CAMSAP2: variants seen among roughly 807,000 people sequenced by gnomAD.
CAMSAP2 encodes the protein calmodulin regulated spectrin associated protein family member 2, also known as calmodulin-regulated spectrin-associated protein 2.
In CAMSAP2, 26 loss-of-function variants were observed where a neutral mutation model predicts 146.1. The ratio of observed to expected loss-of-function variants is 0.18; its 90% CI spans 0.13 to 0.25. The LOEUF is 0.25. Ranked by LOEUF, CAMSAP2 falls within the 10% of genes least tolerant of loss-of-function variation. CAMSAP2 has a pLI of 1.00. For synonymous variants in CAMSAP2, 499 were observed against 596.6 expected, an observed-to-expected ratio of 0.84 and a Z score of 2.38; for missense variants, 1,381 against 1,759.3, an observed-to-expected ratio of 0.78 and a Z score of 3.85.
intron 2 of CAMSAP2, among the ~76,000 whole-genome samples, chr1:200,771,287 G>T (rs988355032): frequency 2.0e-5 from 3 of 152,016 alleles, no homozygotes; most frequent in African/African-American, 7.2e-5. Context: ...ACTTTGCAAA[G>T]TAATTTTTTA....
At chr1:200,817,452 A>G (rs977762045) in intron 4 of CAMSAP2, among the ~76,000 whole-genome samples, 11 of 152,156 alleles carry the variant, frequency 7.2e-5, no homozygotes, top group African/African-American at 1.2e-4. Context: ...TCTATGATAT[A>G]GTATATCTTA....
In CAMSAP2 at chr1:200,849,444, A is replaced by G. The variant is rs770988200; in HGVS notation, c.2675A>G (p.His892Arg). Residue 892 changes from histidine (H) to arginine (R), a missense_variant, in exon 11 of 17, where the codon CAT becomes CGT. His to Arg is a conservative substitution (Grantham distance 29). Coordinates refer to ENST00000358823, the MANE Select transcript of CAMSAP2 (RefSeq NM_203459.4). This position sits in a 1 kb window ranked among gnomAD's most constrained non-coding sequence, Gnocchi z 6.3. ...ATTGAAAAGTTAAATTCATCCCTGC[A>G]TTTTCTACAACAAGAAATGCAACGC... ...KSIEKLNSSLHFLQQEMQRLS... is the reference protein window; with the variant it reads ...KSIEKLNSSLRFLQQEMQRLS... 2 of 1,614,210 alleles carry G rather than the reference A, an allele frequency of 1.2e-6. No homozygotes were observed. Among genetic ancestry groups the G allele is most frequent in the Non-Finnish European group, 1.7e-6 (2 of 1,180,020 alleles).
rs1667057421 is a variant in CAMSAP2, at chr1:200,832,102, T to G, written c.646-98T>G. On this transcript the variant is annotated intron_variant, in intron 4 of 16. Transcript: ENST00000358823. This position sits in a 1 kb window ranked among gnomAD's most constrained non-coding sequence, Gnocchi z 4.2. ...GGTGAGTGGTCTCATTTCTCATGAT[T>G]TATTTTATTACTGGTACATTAGAAT... 1.1e-6 allele frequency: 1 copy of G among 950,866 alleles called. No individual in the cohort carries two copies. Among genetic ancestry groups the G allele is most frequent in the Non-Finnish European group, 1.5e-6 (1 of 655,012 alleles). 58.9% of individuals were successfully genotyped at this position (950,866 alleles called of 1,614,324 possible).
intron 2 of CAMSAP2, among the ~76,000 whole-genome samples, chr1:200,803,535 T>C (rs1666089460): frequency 6.6e-6 from 1 of 152,202 alleles, no homozygotes; most frequent in South Asian, 2.1e-4. Flanking sequence ...TTTTTAATGT[T>C]GATCTTTTCT....
At chr1:200,794,289 A>G (rs1426023426) in intron 2 of CAMSAP2, among the ~76,000 whole-genome samples, 1 of 152,208 alleles carries the variant, frequency 6.6e-6, no homozygotes, top group African/African-American at 2.4e-5. Context: ...CTTTATACAC[A>G]GTTTTTTCAG....
At chr1:200,770,127 G>A (rs1055398973) in intron 2 of CAMSAP2, among the ~76,000 whole-genome samples, 4 of 152,154 alleles carry the variant, frequency 2.6e-5, no homozygotes, top group African/African-American at 9.7e-5. Context: ...AAGTGAGTGT[G>A]GAAACGGGAT....
chr1:200,765,875 A>C (rs186200152), intron 2 of CAMSAP2, among the ~76,000 whole-genome samples: 123 of 152,322 alleles, frequency 8.1e-4, no homozygotes, highest in African/African-American at 2.7e-3. Flanking sequence ...ATGGAGGGAT[A>C]AATGTCAGAT....
intron 2 of CAMSAP2, among the ~76,000 whole-genome samples, chr1:200,774,295 G>A (rs1405061886): frequency 6.7e-6 from 1 of 149,346 alleles, no homozygotes. Flanking sequence ...GCATAAATGA[G>A]CTTCTGTAAT....
chr1:200,759,485 C>G (rs1443803335), intron 1 of CAMSAP2, among the ~76,000 whole-genome samples: 1 of 152,132 alleles, frequency 6.6e-6, no homozygotes, highest in African/African-American at 2.4e-5. Flanking sequence ...TCATATTGGT[C>G]AGGCAGGTCT....
intron 2 of CAMSAP2, among the ~76,000 whole-genome samples, chr1:200,787,430 G>A (rs915678897): frequency 6.6e-6 from 1 of 152,170 alleles, no homozygotes; most frequent in Non-Finnish European, 1.5e-5. Flanking sequence ...TGCAGATGTG[G>A]TAGAAATAGG....
chr1:200,824,291 A>G (rs1485354385), intron 4 of CAMSAP2, among the ~76,000 whole-genome samples: 1 of 149,080 alleles, frequency 6.7e-6, no homozygotes, highest in Non-Finnish European at 1.5e-5. Flanking sequence ...GATGTTTCAG[A>G]TTCATTTTGT....
chr1:200,844,982 C>T, intron 8 of CAMSAP2, 113 bp downstream of exon 8: 1 of 547,056 alleles, frequency 1.8e-6, no homozygotes, highest in Non-Finnish European at 3.1e-6. Flanking sequence ...GGATTTTGAA[C>T]TGTTATAATT....
chr1:200,785,115 C>T (rs980728811), intron 2 of CAMSAP2, among the ~76,000 whole-genome samples: 7 of 152,064 alleles, frequency 4.6e-5, no homozygotes, highest in African/African-American at 4.8e-5. Flanking sequence ...CAGTTGGTCA[C>T]GGTAAATTAT....
chr1:200,855,302 C>T (rs1484667623), intron 14 of CAMSAP2, among the ~76,000 whole-genome samples: 4 of 152,022 alleles, frequency 2.6e-5, no homozygotes, highest in Non-Finnish European at 4.4e-5. Context: ...TTGCCTATGA[C>T]TTAGGAAGGA....
intron 3 of CAMSAP2, among the ~76,000 whole-genome samples, chr1:200,814,609 CAAAAA>C (rs1204730822): frequency 1.7e-4 from 4 of 24,100 alleles, no homozygotes; most frequent in African/African-American, 5.2e-4. Flanking sequence ...GATTGCATCC[CAAAAA>C]AAAAAAAAAA....
intron 2 of CAMSAP2, among the ~76,000 whole-genome samples, chr1:200,784,295 A>C (rs1225831261): frequency 6.6e-6 from 1 of 152,144 alleles, no homozygotes; most frequent in African/African-American, 2.4e-5. Flanking sequence ...TTTAGAATCA[A>C]CTTGTCAATT....
At chr1:200,835,790 T>C (rs1558201193) in intron 6 of CAMSAP2, among the ~76,000 whole-genome samples, 4 of 152,192 alleles carry the variant, frequency 2.6e-5, no homozygotes, top group East Asian at 1.9e-4. Flanking sequence ...CAACATGATA[T>C]CTACATTGTC....
chr1:200,773,887 AAAAATAAAATAAAATAAAATAAAAT>A (rs201163114), intron 2 of CAMSAP2, among the ~76,000 whole-genome samples: 12,614 of 134,318 alleles, frequency 0.094, 1,039 homozygotes, highest in East Asian at 0.34. Context: ...CTCTGTCTCA[AAAAATAAAATAAAATAAAATAAAAT>A]AAAATAAAAT....
At chr1:200,818,864 C>T (rs944623680) in intron 4 of CAMSAP2, among the ~76,000 whole-genome samples, 3 of 152,138 alleles carry the variant, frequency 2.0e-5, no homozygotes, top group African/African-American at 7.2e-5. Flanking sequence ...CCACTCTTTC[C>T]ATCTACTTCA....
Sources: gnomAD v4.1 joint callset for allele counts (sites outside exome capture counted in the v4.1 genomes callset) on GRCh38, gnomAD v4.1.1 for gene constraint, Gnocchi (gnomAD v3.1) non-coding constraint, MANE v1.5 for transcripts, NCBI Gene and HGNC (gene_info 2026-07-23, HGNC 2026-07-21) for gene names.